The following CCDC66 variants were observed in gnomAD, a reference collection of about 807,000 sequenced individuals.
CCDC66 encodes the protein coiled-coil domain-containing protein 66.
A neutral mutation model predicts 128.3 loss-of-function variants in CCDC66; 133 were observed. The ratio of observed to expected loss-of-function variants is 1.04; its 90% CI spans 0.90 to 1.20. The LOEUF is 1.20. CCDC66 is among the 50% of genes most tolerant of loss of function. The pLI is 0.00. For missense variants in CCDC66, 1,126 were observed against 1,075.5 expected, an observed-to-expected ratio of 1.05 and a Z score of -0.66; for synonymous variants, 387 against 357.0, an observed-to-expected ratio of 1.08 and a Z score of -0.95.
rs59285810 is a variant in CCDC66, at chr3:56,574,361, CA to C, written c.936+3075del. ...TGGGCGACAGAGCAAGACTCTGTCT[CA>C]AAAAAAAAAAAAAAATCAGTTTTTA... On this transcript the variant is annotated intron_variant, in intron 7 of 17. Transcript: ENST00000394672. Among the ~76,000 whole-genome samples, 57 of 126,574 alleles carry C rather than the reference CA, an allele frequency of 4.5e-4. 1 individual carries two copies. The highest frequency in any genetic ancestry group is 7.4e-4 in the African/African-American group (24 of 32,272). 83.0% of individuals were successfully genotyped at this position (126,574 alleles called of 152,430 possible).
intron 10 of CCDC66, among the ~76,000 whole-genome samples, chr3:56,610,561 T>A (rs2074654348): frequency 6.6e-6 from 1 of 152,206 alleles, no homozygotes; most frequent in Non-Finnish European, 1.5e-5. Context: ...CCTGAATTCT[T>A]TTTCAGGTAA....
chr3:56,591,371 T>G (rs2070860567), intron 7 of CCDC66, among the ~76,000 whole-genome samples: 1 of 152,204 alleles, frequency 6.6e-6, no homozygotes, highest in Non-Finnish European at 1.5e-5. Context: ...TCAGATCTGG[T>G]TACATCAAAC....
intron 11 of CCDC66, among the ~76,000 whole-genome samples, chr3:56,614,183 A>T (rs141864109): frequency 6.6e-6 from 1 of 152,228 alleles, no homozygotes; most frequent in African/African-American, 2.4e-5. Flanking sequence ...TAAAGTTAGC[A>T]AAGAGAGAAG....
intron 7 of CCDC66, among the ~76,000 whole-genome samples, chr3:56,581,198 T>C (rs2068306598): frequency 6.6e-6 from 1 of 151,916 alleles, no homozygotes; most frequent in Admixed American, 6.6e-5. Flanking sequence ...TTGATCAAAT[T>C]AGCTACTGAA....
intron 10 of CCDC66, among the ~76,000 whole-genome samples, chr3:56,598,709 A>G (rs1413265708): frequency 1.3e-5 from 2 of 152,094 alleles, no homozygotes; most frequent in Non-Finnish European, 2.9e-5. Flanking sequence ...GATGTGATGT[A>G]TCACATTTAT....
In CCDC66 at chr3:56,586,116, C is replaced by A. The variant is rs577694022; in HGVS notation, c.937-6854C>A. On this transcript the variant is annotated intron_variant, in intron 7 of 17. Transcript: ENST00000394672. ...AGGAAACAAGGAGAACCTTCTAATT[C>A]TTTATGCATTTGTTTTGTTAGAATA... Among the ~76,000 whole-genome samples, 3 of 152,060 alleles carry A rather than the reference C, an allele frequency of 2.0e-5. No individual in the cohort carries two copies. In the East Asian group the frequency reaches 5.9e-4, roughly 30 times the overall value.
chr3:56,595,794 C>T (rs540708823), intron 10 of CCDC66, among the ~76,000 whole-genome samples: 9 of 152,242 alleles, frequency 5.9e-5, no homozygotes, highest in East Asian at 3.9e-4. Flanking sequence ...TTTTTTGAGA[C>T]GTCTCCATAC....
At chr3:56,606,136 A>AG (rs1212316715) in intron 10 of CCDC66, among the ~76,000 whole-genome samples, 1 of 152,050 alleles carries the variant, frequency 6.6e-6, no homozygotes, top group African/African-American at 2.4e-5. Flanking sequence ...CAAGCTTGAG[A>AG]GTCCCAGGTC....
intron 10 of CCDC66, among the ~76,000 whole-genome samples, chr3:56,596,380 C>T (rs949143011): frequency 6.6e-6 from 1 of 152,066 alleles, no homozygotes; most frequent in African/African-American, 2.4e-5. Context: ...GTTCTTTGCC[C>T]ACTTTTTAAT....
chr3:56,615,571 T>C (rs2075388003), intron 12 of CCDC66, among the ~76,000 whole-genome samples: 1 of 152,144 alleles, frequency 6.6e-6, no homozygotes, highest in South Asian at 2.1e-4. Flanking sequence ...ACCTTCAATA[T>C]ACCTACTATT....
intron 17 of CCDC66, chr3:56,620,113 C>A: frequency 2.9e-6 from 1 of 346,632 alleles, no homozygotes; most frequent in Non-Finnish European, 5.2e-6. Context: ...CTTTCCAGTA[C>A]GAAATCATCA....
intron 7 of CCDC66, among the ~76,000 whole-genome samples, chr3:56,573,456 GT>G (rs1323973299): frequency 6.6e-6 from 1 of 152,222 alleles, no homozygotes; most frequent in Non-Finnish European, 1.5e-5. Context: ...GCTGAGTGAA[GT>G]GGCTGAATAT....
chr3:56,575,250 C>G (rs2067197203), intron 7 of CCDC66, among the ~76,000 whole-genome samples: 1 of 151,786 alleles, frequency 6.6e-6, no homozygotes, highest in Non-Finnish European at 1.5e-5. Flanking sequence ...ACATCCTCAC[C>G]AACACTTACT....
rs763699408 is a variant in CCDC66 at position 56,617,323 on chromosome 3, A to G, written c.2055A>G (p.Thr685=). The change falls in exon 14 of 18, where the codon ACA becomes ACG. Residue 685 remains threonine, a synonymous_variant. Transcript: ENST00000394672. ...GTAATGACCAGTGTAATCAGTTCAC[A>G]AGAATAGAGAAACAAACAAAACACA... ...NRCNDQCNQF[T]RIEKQTKHMK... is the part of the protein sequence containing the mutation. 6.2e-7 allele frequency: 1 copy of G among 1,612,702 alleles called. No homozygotes were observed. Among genetic ancestry groups the G allele is most frequent in the Non-Finnish European group, 8.5e-7 (1 of 1,179,756 alleles).
chr3:56,573,017 G>A (rs1341734479), intron 7 of CCDC66: 1 of 152,168 alleles, frequency 6.6e-6, no homozygotes. Flanking sequence ...TTTTCATGAA[G>A]TTGGTGAGGA....
At position 56,618,161 on chromosome 3, in the gene CCDC66, C is replaced by A. The variant is rs377747831; in HGVS notation, c.2338-11C>A. On this transcript the variant is annotated splice_polypyrimidine_tract_variant and intron_variant, in intron 14 of 17. Coordinates refer to ENST00000394672, the MANE Select transcript of CCDC66 (RefSeq NM_001141947.3). ...TATATTCCTTTCTGCATTTATCTAT[C>A]CATATTTTAGGAAGAAGAGCCTCTG... 7.5e-6 allele frequency: 12 copies of A among 1,603,392 alleles called. No individual in the cohort carries two copies. Among genetic ancestry groups the A allele is most frequent in the Non-Finnish European group, 1.0e-5 (12 of 1,170,604 alleles).
At chr3:56,581,659 T>C (rs1473782868) in intron 7 of CCDC66, among the ~76,000 whole-genome samples, 1 of 151,856 alleles carries the variant, frequency 6.6e-6, no homozygotes, top group African/African-American at 2.4e-5. Context: ...TGCAGGTCTG[T>C]TGGAGTTTGC....
chr3:56,562,996 TG>T (rs1288117025), intron 3 of CCDC66, among the ~76,000 whole-genome samples: 1 of 152,120 alleles, frequency 6.6e-6, no homozygotes, highest in African/African-American at 2.4e-5. Flanking sequence ...GTTCTGGCCT[TG>T]GGATCCTGGC....
At chr3:56,593,148 G>C in intron 8 of CCDC66, 47 bp downstream of exon 8, 7 of 1,415,122 alleles carry the variant, frequency 4.9e-6, no homozygotes, top group Non-Finnish European at 6.7e-6. Context: ...TAAAATCAAA[G>C]TCTTTAATCA....
Sources: allele counts gnomAD v4.1 joint callset (sites outside exome capture counted in the v4.1 genomes callset), GRCh38; gene constraint gnomAD v4.1.1; transcripts MANE v1.5; gene names NCBI Gene and HGNC (gene_info 2026-07-23, HGNC 2026-07-21).